FAAH2: variants seen among roughly 807,000 people sequenced by gnomAD.
The protein encoded by FAAH2 is fatty-acid amide hydrolase 2.
In FAAH2, 60 loss-of-function variants were observed where a neutral mutation model predicts 36.9. That is an observed-to-expected ratio of 1.63 (90% CI 1.32 to 2.02). The LOEUF (loss-of-function observed/expected upper bound fraction) is 2.02, where lower values mean the gene tolerates loss of function less well. Among genes scored for constraint, FAAH2 ranks in the 30% most tolerant of loss-of-function variants. FAAH2 has a pLI of 0.00. For synonymous variants in FAAH2, 214 were observed against 143.8 expected, an observed-to-expected ratio of 1.49 and a Z score of -3.49; for missense variants, 689 against 397.5, an observed-to-expected ratio of 1.73 and a Z score of -6.23.
chrX:57,126,453 T>C, the FAAH2 span, among the ~76,000 whole-genome samples: 2 of 112,188 alleles, frequency 1.8e-5, no homozygotes, highest in Non-Finnish European at 3.8e-5. Context: ...TTCAACCTAG[T>C]CAGAGCCAAT....
chrX:57,185,772 T>C, the FAAH2 span, among the ~76,000 whole-genome samples: 1 of 109,765 alleles, frequency 9.1e-6, no homozygotes, highest in Non-Finnish European at 1.9e-5. Context: ...TGTATTCTCA[T>C]TGCTCAACTC....
intron 10 of FAAH2, among the ~76,000 whole-genome samples, chrX:57,471,594 G>A (rs2057167608): frequency 8.9e-6 from 1 of 111,764 alleles, no homozygotes; most frequent in South Asian, 3.7e-4. Flanking sequence ...AATAAAAGAG[G>A]ATGCACATAA....
intron 10 of FAAH2, among the ~76,000 whole-genome samples, chrX:57,479,551 C>T (rs1036291603): frequency 5.4e-5 from 6 of 111,455 alleles, no homozygotes; most frequent in Non-Finnish European, 1.1e-4. Context: ...TGAGAGAGGG[C>T]ATCCCTGTCT....
At chrX:57,425,508 C>A (rs1379079203) in intron 7 of FAAH2, among the ~76,000 whole-genome samples, 1 of 111,767 alleles carries the variant, frequency 8.9e-6, no homozygotes, top group Non-Finnish European at 1.9e-5. Context: ...ATCACATAAA[C>A]AGCAGACTTC....
chrX:57,379,822 T>TG (rs2054792816), intron 6 of FAAH2, among the ~76,000 whole-genome samples: 1 of 108,824 alleles, frequency 9.2e-6, no homozygotes, highest in Non-Finnish European at 1.9e-5. Flanking sequence ...AATTTTTTTT[T>TG]TTTTTGCATT....
At chrX:57,237,209 A>T in the FAAH2 span, among the ~76,000 whole-genome samples, 2 of 111,226 alleles carry the variant, frequency 1.8e-5, no homozygotes, top group Admixed American at 9.6e-5. Context: ...TGTCGCATTG[A>T]TCTTTGTTTT....
intron 7 of FAAH2, among the ~76,000 whole-genome samples, chrX:57,395,922 G>C (rs2055283949): frequency 8.9e-6 from 1 of 111,771 alleles, no homozygotes; most frequent in Non-Finnish European, 1.9e-5. Context: ...GTAAGATTGG[G>C]ACAAGTTTTT....
the FAAH2 span, among the ~76,000 whole-genome samples, chrX:57,254,486 A>G: frequency 8.9e-6 from 1 of 112,056 alleles, no homozygotes; most frequent in Non-Finnish European, 1.9e-5. Context: ...TCTCAGCACC[A>G]CATCGCACTT....
At chrX:57,146,478 G>C in the FAAH2 span, among the ~76,000 whole-genome samples, 1 of 111,463 alleles carries the variant, frequency 9.0e-6, no homozygotes, top group South Asian at 3.7e-4. Flanking sequence ...AGTCTTTAGG[G>C]TTTTCTAGGT....
At chrX:57,291,902 A>G (rs1029017124) in intron 1 of FAAH2, among the ~76,000 whole-genome samples, 45 of 111,660 alleles carry the variant, frequency 4.0e-4, no homozygotes, top group African/African-American at 1.4e-3. Context: ...AAAGTACAAT[A>G]TGCTTAGCTA....
At chrX:57,236,593 T>A in the FAAH2 span, among the ~76,000 whole-genome samples, 1 of 112,239 alleles carries the variant, frequency 8.9e-6, no homozygotes, top group African/African-American at 3.2e-5. Flanking sequence ...CAGTGATTAG[T>A]GATATTGTGA....
At chrX:57,394,272 C>A in intron 7 of FAAH2, 1 of 853,460 alleles carries the variant, frequency 1.2e-6, no homozygotes, top group Non-Finnish European at 1.8e-6. Context: ...TGCACCAGCC[C>A]GATTGTAGTC....
the FAAH2 span, among the ~76,000 whole-genome samples, chrX:57,151,733 G>A: frequency 1.8e-5 from 2 of 111,053 alleles, no homozygotes; most frequent in Non-Finnish European, 3.8e-5. Context: ...GGAGTAGTTT[G>A]ATCGTCTGAA....
At chrX:57,215,094 T>C in the FAAH2 span, among the ~76,000 whole-genome samples, 1 of 81,798 alleles carries the variant, frequency 1.2e-5, no homozygotes, top group African/African-American at 5.3e-5. Context: ...ATTTACAAAA[T>C]ACTTAAACAA....
intron 5 of FAAH2, among the ~76,000 whole-genome samples, chrX:57,356,699 A>G (rs1208525203): frequency 9.0e-6 from 1 of 110,949 alleles, no homozygotes; most frequent in African/African-American, 3.3e-5. Flanking sequence ...TACTAAACCC[A>G]GTTCTTAATT....
At chrX:57,169,329 G>T in the FAAH2 span, among the ~76,000 whole-genome samples, 1 of 101,905 alleles carries the variant, frequency 9.8e-6, no homozygotes, top group Admixed American at 1.1e-4. Flanking sequence ...GTGTGTGTGT[G>T]TGTGGTTTCA....
the FAAH2 span, among the ~76,000 whole-genome samples, chrX:57,259,367 G>T: frequency 9.0e-6 from 1 of 111,677 alleles, no homozygotes; most frequent in Non-Finnish European, 1.9e-5. Flanking sequence ...TCAGTTGATG[G>T]ATAAATAAAT....
At chrX:57,317,110 A>T (rs2052862424) in intron 3 of FAAH2, among the ~76,000 whole-genome samples, 1 of 112,178 alleles carries the variant, frequency 8.9e-6, no homozygotes, top group African/African-American at 3.2e-5. Flanking sequence ...AAGAAGACAG[A>T]CAAGTGGCCA....
At chrX:57,378,856 C>G in intron 6 of FAAH2, 70 bp downstream of exon 6, 1 of 1,115,160 alleles carries the variant, frequency 9.0e-7, no homozygotes, top group Non-Finnish European at 1.2e-6. Context: ...TTATTAGTGT[C>G]ATAGAGGTAG....
Sources: allele counts gnomAD v4.1 joint callset (sites outside exome capture counted in the v4.1 genomes callset), GRCh38; gene constraint gnomAD v4.1.1; transcripts MANE v1.5; gene names NCBI Gene and HGNC (gene_info 2026-07-23, HGNC 2026-07-21).